The following GRIA4 variants were observed in gnomAD, a reference collection of about 807,000 sequenced individuals.
The protein encoded by GRIA4 is glutamate ionotropic receptor AMPA type subunit 4.
GRIA4 carries 34 observed loss-of-function variants against 104.0 expected under a neutral mutation model. The observed-to-expected ratio is 0.33, with a 90% confidence interval of 0.25 to 0.44. The LOEUF is 0.44. Ranked by LOEUF, GRIA4 falls within the 20% of genes least tolerant of loss-of-function variation. The pLI, the probability that GRIA4 is intolerant of heterozygous loss-of-function variation, is 1.00. For missense variants in GRIA4, 750 were observed against 1,096.5 expected, an observed-to-expected ratio of 0.68 and a Z score of 4.46; for synonymous variants, 386 against 381.9, an observed-to-expected ratio of 1.01 and a Z score of -0.13.
rs1408518712 is a variant in GRIA4 at position 105,611,089 on chromosome 11, A to G, written c.88+4A>G. 1 of 1,607,412 alleles carries G rather than the reference A, an allele frequency of 6.2e-7. No homozygotes were observed. The highest frequency in any genetic ancestry group is 2.2e-5 in the East Asian group (1 of 44,822). On this transcript the variant is annotated splice_donor_region_variant and intron_variant, in intron 2 of 16. Transcript: ENST00000282499. Reference sequence around the variant, plus strand: ...TTTCCGAGCAGCGTGCAAATAGGTAAGGTGTGCTCCGATGGGGTGTGCATG... The same window carrying G: ...TTTCCGAGCAGCGTGCAAATAGGTAGGGTGTGCTCCGATGGGGTGTGCATG...
intron 3 of GRIA4, among the ~76,000 whole-genome samples, chr11:105,666,015 A>G (rs1487416162): frequency 6.6e-6 from 1 of 152,054 alleles, no homozygotes; most frequent in Non-Finnish European, 1.5e-5. Flanking sequence ...AATGAAATTC[A>G]GGTATTCATC....
At chr11:105,632,385 A>G (rs1348048010) in intron 3 of GRIA4, among the ~76,000 whole-genome samples, 1 of 152,164 alleles carries the variant, frequency 6.6e-6, no homozygotes, top group Non-Finnish European at 1.5e-5. Flanking sequence ...GCACTGCTTT[A>G]ATGTCTGTCC....
chr11:105,642,471 A>G lies in GRIA4; in HGVS notation c.247+30037A>G, dbSNP rs1951394814. Among the ~76,000 whole-genome samples, 3 of 149,444 alleles carry G rather than the reference A, an allele frequency of 2.0e-5. No individual in the cohort carries two copies. In the South Asian group the frequency reaches 6.4e-4, roughly 32 times the overall value. On this transcript the variant is annotated intron_variant, in intron 3 of 16. Transcript: ENST00000282499. Reference sequence around the variant, plus strand: ...GACCCTTGCTCCTAAGTTGGGGCCTAAATCTTGGCAGTCATAAAAAAGTAT... The same window carrying G: ...GACCCTTGCTCCTAAGTTGGGGCCTGAATCTTGGCAGTCATAAAAAAGTAT...
At chr11:105,934,042 T>C in intron 14 of GRIA4, 73 bp downstream of exon 14, 2 of 1,243,936 alleles carry the variant, frequency 1.6e-6, no homozygotes, top group Middle Eastern at 2.1e-4. Context: ...CCTGAGAGAA[T>C]TATTTTGTTT....
intron 13 of GRIA4, among the ~76,000 whole-genome samples, chr11:105,931,613 G>A (rs1190502635): frequency 2.0e-5 from 3 of 152,014 alleles, no homozygotes; most frequent in Non-Finnish European, 2.9e-5. Context: ...GCTAAGACAG[G>A]AGAATTGCTT....
chr11:105,876,185 C>A (rs985198475), intron 5 of GRIA4, among the ~76,000 whole-genome samples: 1 of 152,144 alleles, frequency 6.6e-6, no homozygotes, highest in Non-Finnish European at 1.5e-5. Flanking sequence ...AGTAGTCATT[C>A]AGGAGCAGGT....
intron 3 of GRIA4, among the ~76,000 whole-genome samples, chr11:105,620,916 G>T (rs968659706): frequency 6.6e-6 from 1 of 151,482 alleles, no homozygotes; most frequent in Admixed American, 6.6e-5. Context: ...TTTGGGGGGG[G>T]TCATATTTTT....
At chr11:105,854,453 G>T (rs1272070940) in intron 4 of GRIA4, among the ~76,000 whole-genome samples, 4 of 152,140 alleles carry the variant, frequency 2.6e-5, no homozygotes, top group Non-Finnish European at 5.9e-5. Flanking sequence ...AGCAGTGGAT[G>T]ACGTCAGTAT....
intron 4 of GRIA4, among the ~76,000 whole-genome samples, chr11:105,792,004 A>C (rs943475955): frequency 5.9e-5 from 9 of 152,284 alleles, no homozygotes; most frequent in Middle Eastern, 3.4e-3. Flanking sequence ...TAGAAGCAGC[A>C]ATATCACTTA....
At chr11:105,644,648 A>G (rs1951473355) in intron 3 of GRIA4, among the ~76,000 whole-genome samples, 1 of 152,110 alleles carries the variant, frequency 6.6e-6, no homozygotes, top group Non-Finnish European at 1.5e-5. Context: ...TACCATTTTT[A>G]TCTTTTTAGA....
At position 105,817,501 on chromosome 11, in the gene GRIA4, T is replaced by C. The variant is rs551055218; in HGVS notation, c.488-44523T>C. The stretch of plus-strand genomic sequence containing the variant: ...GTAATAGTTTTTAAATTTTTTTTTC[T>C]ATTCATTCCTTTACAACTAGAGCAA... On this transcript the variant is annotated intron_variant, in intron 4 of 16. Transcript: ENST00000282499. Among the ~76,000 whole-genome samples, 7 of 151,942 alleles carry C rather than the reference T, an allele frequency of 4.6e-5. No homozygotes were observed. In the South Asian group the frequency reaches 1.5e-3, roughly 32 times the overall value.
intron 3 of GRIA4, among the ~76,000 whole-genome samples, chr11:105,652,355 C>G (rs1426414886): frequency 6.6e-6 from 1 of 152,132 alleles, no homozygotes; most frequent in Non-Finnish European, 1.5e-5. Flanking sequence ...AGATCCTTCT[C>G]AAGCTTTTTA....
intron 14 of GRIA4, among the ~76,000 whole-genome samples, chr11:105,964,864 T>A (rs1948826124): frequency 6.6e-6 from 1 of 151,582 alleles, no homozygotes; most frequent in Admixed American, 6.6e-5. Context: ...TGGGGTGCAA[T>A]GGCACAATCT....
intron 3 of GRIA4, among the ~76,000 whole-genome samples, chr11:105,626,559 G>A (rs929546443): frequency 2.0e-5 from 3 of 152,118 alleles, no homozygotes; most frequent in Non-Finnish European, 4.4e-5. Flanking sequence ...AAAAGCCATT[G>A]AAATTGTGAA....
intron 14 of GRIA4, among the ~76,000 whole-genome samples, chr11:105,960,985 G>A (rs1008718002): frequency 9.9e-5 from 15 of 152,174 alleles, no homozygotes; most frequent in African/African-American, 3.1e-4. Context: ...TTGGTTGCCT[G>A]TGAAGGATTC....
In GRIA4 at chr11:105,787,978, A is replaced by G. The variant is rs145047274; in HGVS notation, c.487+34758A>G. ...GTAGATTGACTGCCCATTACAAAGA[A>G]GAGCTTCTCCCCTCAGATGAAAGAT... On this transcript the variant is annotated intron_variant, in intron 4 of 16. Coordinates refer to ENST00000282499, the MANE Select transcript of GRIA4 (RefSeq NM_000829.4). Among the ~76,000 whole-genome samples the G allele has an allele frequency of 1.4e-4, 22 of 152,270 alleles. No homozygotes were observed. The East Asian group carries it at 3.5e-3, about 24-fold the overall frequency.
intron 14 of GRIA4, among the ~76,000 whole-genome samples, chr11:105,942,014 G>T (rs996724346): frequency 6.6e-6 from 1 of 152,024 alleles, no homozygotes; most frequent in Non-Finnish European, 1.5e-5. Flanking sequence ...AATCATAAAA[G>T]CATTATCAGC....
In GRIA4 at chr11:105,740,673, C is replaced by T. The variant is rs149964958; in HGVS notation, c.248-12308C>T. Reference sequence around the variant, plus strand: ...GACTGGAGCTCTGAGAGCCTCATGACAGAGAGGAGTCAGAAACGGTCTCCC... The same window carrying T: ...GACTGGAGCTCTGAGAGCCTCATGATAGAGAGGAGTCAGAAACGGTCTCCC... On this transcript the variant is annotated intron_variant, in intron 3 of 16. Transcript: ENST00000282499. 9.2e-5 allele frequency among the ~76,000 whole-genome samples: 14 copies of T among 152,258 alleles called. No homozygotes were observed. In the East Asian group the frequency reaches 2.5e-3, roughly 27 times the overall value.
intron 3 of GRIA4, among the ~76,000 whole-genome samples, chr11:105,687,486 A>G (rs977014618): frequency 1.3e-5 from 2 of 152,220 alleles, no homozygotes; most frequent in African/African-American, 2.4e-5. Context: ...GACCAGGAAG[A>G]TTCTGTGAGG....
Sources: gnomAD v4.1 joint callset for allele counts (sites outside exome capture counted in the v4.1 genomes callset) on GRCh38, gnomAD v4.1.1 for gene constraint, MANE v1.5 for transcripts, NCBI Gene and HGNC (gene_info 2026-07-23, HGNC 2026-07-21) for gene names.